CRYBG3: variants seen among roughly 807,000 people sequenced by gnomAD.
CRYBG3 encodes crystallin beta-gamma domain containing 3.
In CRYBG3, 127 loss-of-function variants were observed where a neutral mutation model predicts 244.2. The observed-to-expected ratio is 0.52, with a 90% CI of 0.45 to 0.60. CRYBG3 has a LOEUF of 0.60. Ranked by LOEUF, CRYBG3 falls within the 20% of genes least tolerant of loss-of-function variation. CRYBG3 has a pLI of 0.00. For synonymous variants in CRYBG3, 1,132 were observed against 1,195.8 expected, an observed-to-expected ratio of 0.95 and a Z score of 1.10; for missense variants, 3,325 against 3,442.5, an observed-to-expected ratio of 0.97 and a Z score of 0.85.
At chr3:97,917,105 T>G (rs540335732) in intron 17 of CRYBG3, among the ~76,000 whole-genome samples, 31 of 152,264 alleles carry the variant, frequency 2.0e-4, no homozygotes, top group South Asian at 8.3e-4. Context: ...AACTCTTAAT[T>G]CAGTGAACTA....
At position 97,822,028 on chromosome 3, in the gene CRYBG3, C is replaced by T; in HGVS notation, c.-179C>T. On this transcript the variant is annotated 5_prime_UTR_variant, in exon 1 of 22. Coordinates refer to ENST00000389622, the MANE Select transcript of CRYBG3 (RefSeq NM_153605.4). ...GCCGCAGCGGCGTGAGGAGCTGCCG[C>T]GCGAGGAGCGCGTCGCGTCCGCACT... is the stretch of plus-strand genomic sequence containing the variant. The T allele has an allele frequency of 4.5e-6, 2 of 441,662 alleles. No individual in the cohort carries two copies. Among genetic ancestry groups the T allele is most frequent in the Non-Finnish European group, 7.6e-6 (2 of 264,366 alleles). 27.4% of individuals were successfully genotyped at this position (441,662 alleles called of 1,614,324 possible).
chr3:97,840,522 T>G (rs997570836), intron 1 of CRYBG3: 1 of 152,132 alleles, frequency 6.6e-6, no homozygotes, highest in Non-Finnish European at 1.5e-5. Flanking sequence ...GCTGTGTTTT[T>G]CTGGAATTTG....
intron 12 of CRYBG3, among the ~76,000 whole-genome samples, chr3:97,897,033 G>C (rs1430922812): frequency 6.6e-6 from 1 of 151,762 alleles, no homozygotes; most frequent in Non-Finnish European, 1.5e-5. Flanking sequence ...TAGGCTCCAG[G>C]GACTAGGGAA....
In CRYBG3 at chr3:97,899,260, A is replaced by C. The variant is rs750213616; in HGVS notation, c.7968A>C (p.Gln2656His). The C allele has an allele frequency of 6.2e-7, 1 of 1,611,728 alleles. No homozygotes were observed. The highest frequency in any genetic ancestry group is 8.5e-7 in the Non-Finnish European group (1 of 1,179,324). Reference protein sequence around the residue: ...NNIIMSIRPIQLEPLGINEPP... With the variant: ...NNIIMSIRPIHLEPLGINEPP... ...TAATCATGTCGATACGGCCAATCCAACTGGTGAGTGAAGTATGAACATAGC... is the reference window on the plus strand; with the variant it reads ...TAATCATGTCGATACGGCCAATCCACCTGGTGAGTGAAGTATGAACATAGC... Residue 2656 changes from glutamine (Q) to histidine (H), a missense_variant, in exon 14 of 22, where the codon CAA (glutamine) becomes CAC (histidine). Gln to His is a conservative substitution (Grantham distance 24). This residue lies in a region of CRYBG3 where 714 missense variants were observed against 803.6 expected (regional missense o/e 0.89). Transcript: ENST00000389622.
At chr3:97,838,139 T>C (rs2038760289) in intron 1 of CRYBG3, among the ~76,000 whole-genome samples, 1 of 152,152 alleles carries the variant, frequency 6.6e-6, no homozygotes, top group Admixed American at 6.5e-5. Flanking sequence ...AGGGGATTTT[T>C]TTCCTTCCAG....
chr3:97,882,040 C>T (rs1180252112), intron 7 of CRYBG3, among the ~76,000 whole-genome samples: 2 of 151,840 alleles, frequency 1.3e-5, no homozygotes, highest in East Asian at 3.9e-4. Flanking sequence ...GAAACCCTGT[C>T]TCTACTAAAA....
intron 1 of CRYBG3, among the ~76,000 whole-genome samples, chr3:97,839,829 C>G (rs1367985596): frequency 6.6e-6 from 1 of 151,830 alleles, no homozygotes; most frequent in Non-Finnish European, 1.5e-5. Flanking sequence ...AAGCCATCTG[C>G]CTGCCTTGGC....
At chr3:97,932,154 T>G (rs1007869746) in intron 17 of CRYBG3, among the ~76,000 whole-genome samples, 46 of 151,910 alleles carry the variant, frequency 3.0e-4, no homozygotes, top group Non-Finnish European at 4.4e-5. Context: ...TGGTTACCAG[T>G]TTTTTTTATT....
chr3:97,910,752 C>A (rs558166177), intron 15 of CRYBG3, among the ~76,000 whole-genome samples: 1 of 152,190 alleles, frequency 6.6e-6, no homozygotes. Flanking sequence ...TGTTCCTATT[C>A]GGCCATCTTG....
At chr3:97,869,026 T>G (rs903507835) in intron 3 of CRYBG3, among the ~76,000 whole-genome samples, 4 of 152,144 alleles carry the variant, frequency 2.6e-5, no homozygotes, top group Admixed American at 6.5e-5. Context: ...AAACCTGTCA[T>G]TTTTTCAGAC....
In CRYBG3 at chr3:97,872,674, A is replaced by G. The variant is rs774442905; in HGVS notation, c.1480A>G (p.Ile494Val). 1.7e-5 allele frequency: 26 copies of G among 1,535,798 alleles called. No homozygotes were observed. In the South Asian group the frequency reaches 3.1e-4, roughly 18 times the overall value. ...SKQAATHTNI[I>V]ALQRHAVTDT... ...GCAAGCTGCCACTCACACCAATATCATTGCTCTTCAGAGACATGCTGTGAC... is the reference window on the plus strand; with the variant it reads ...GCAAGCTGCCACTCACACCAATATCGTTGCTCTTCAGAGACATGCTGTGAC... Residue 494 changes from isoleucine to valine, a missense_variant, in exon 4 of 22, where the codon ATT becomes GTT. Coordinates refer to ENST00000389622, the MANE Select transcript of CRYBG3 (RefSeq NM_153605.4).
chr3:97,912,224 A>G lies in CRYBG3; in HGVS notation c.8062A>G (p.Thr2688Ala). ...TGAATGTATAGATTTTACAGAAGAA[A>G]CTTCTGATTTGACTTCACTCATGCC... ...QGECIDFTEE[T>A]SDLTSLMPCS... Residue 2688 changes from threonine (T) to alanine (A), a missense_variant, in exon 16 of 22, where the codon ACT becomes GCT. Physicochemically the swap from Thr to Ala is moderately conservative, Grantham distance 58 (BLOSUM62 0). Coordinates refer to ENST00000389622, the MANE Select transcript of CRYBG3 (RefSeq NM_153605.4). 1.2e-6 allele frequency: 2 copies of G among 1,609,118 alleles called. No homozygotes were observed. The highest frequency in any genetic ancestry group is 1.1e-5 in the South Asian group (1 of 90,238).
At chr3:97,926,036 G>A (rs2040037332) in intron 17 of CRYBG3, among the ~76,000 whole-genome samples, 1 of 151,822 alleles carries the variant, frequency 6.6e-6, no homozygotes. Flanking sequence ...TGTTAGCTGA[G>A]TGACCCTGGG....
chr3:97,876,707 C>T lies in CRYBG3; in HGVS notation c.5513C>T (p.Ser1838Phe). ...DVKETIGATV[S>F]TPSVIEMEKI... ...AAAGAGACTATTGGAGCAACTGTGTCCACACCCTCTGTGATAGAAATGGAA... is the reference window on the plus strand; with the variant it reads ...AAAGAGACTATTGGAGCAACTGTGTTCACACCCTCTGTGATAGAAATGGAA... The change falls in exon 4 of 22, where the codon TCC becomes TTC. Residue 1838 changes from serine (S) to phenylalanine (F), a missense_variant. Coordinates refer to ENST00000389622, the MANE Select transcript of CRYBG3 (RefSeq NM_153605.4). 8.0e-7 allele frequency: 1 copy of T among 1,254,472 alleles called. No individual in the cohort carries two copies. Among genetic ancestry groups the T allele is most frequent in the Non-Finnish European group, 1.0e-6 (1 of 1,002,130 alleles). The allele number at this position is 1,254,472 out of a possible 1,614,324, so 77.7% of individuals were successfully genotyped here.
intron 1 of CRYBG3, among the ~76,000 whole-genome samples, chr3:97,827,785 A>G (rs200139020): frequency 6.1e-5 from 3 of 49,272 alleles, no homozygotes; most frequent in East Asian, 1.8e-3. Flanking sequence ...TAGGTAATCA[A>G]AAGTCTCACA....
chr3:97,885,718 A>C (rs944266536), intron 7 of CRYBG3, among the ~76,000 whole-genome samples: 4 of 152,312 alleles, frequency 2.6e-5, no homozygotes, highest in Admixed American at 6.5e-5. Flanking sequence ...CATGAAGACC[A>C]ATATGATTGC....
At chr3:97,897,908 T>C (rs1168751832) in intron 12 of CRYBG3, among the ~76,000 whole-genome samples, 1 of 152,178 alleles carries the variant, frequency 6.6e-6, no homozygotes. Context: ...AACGGAACTT[T>C]TAGATCTTTC....
In CRYBG3 at chr3:97,822,365, G is replaced by T; in HGVS notation, c.149+10G>T. On this transcript the variant is annotated intron_variant, in intron 1 of 21. Transcript: ENST00000389622. ...GCCGGTCCGCTGCCAGGTGGGAGTC[G>T]AGGAGGGGGTCGCGGGGGGGCCCTG... 6.7e-7 allele frequency: 1 copy of T among 1,493,300 alleles called. No homozygotes were observed. Among genetic ancestry groups the T allele is most frequent in the African/African-American group, 1.4e-5 (1 of 70,610 alleles). The allele number at this position is 1,493,300 out of a possible 1,614,324, so 92.5% of individuals were successfully genotyped here. A position where few individuals can be genotyped will look rare whatever the true frequency, so the allele number is the denominator to read the frequency against.
intron 1 of CRYBG3, among the ~76,000 whole-genome samples, chr3:97,824,833 A>G (rs1186154591): frequency 2.0e-5 from 3 of 152,188 alleles, no homozygotes; most frequent in African/African-American, 7.2e-5. Flanking sequence ...AGGAAACTCA[A>G]AAACTCCCAG....
Sources: gnomAD v4.1 joint callset for allele counts (sites outside exome capture counted in the v4.1 genomes callset) on GRCh38, gnomAD v4.1.1 for gene constraint, gnomAD v4.1.1 regional missense constraint, MANE v1.5 for transcripts, NCBI Gene and HGNC (gene_info 2026-07-23, HGNC 2026-07-21) for gene names.